RP1: variants seen among roughly 807,000 people sequenced by gnomAD.
RP1 encodes the protein RP1 axonemal microtubule associated.
A neutral mutation model predicts 14.8 loss-of-function variants in RP1; 16 were observed. The observed-to-expected ratio is 1.08, with a 90% CI of 0.73 to 1.65. RP1 has a LOEUF of 1.65. Ranked by LOEUF, RP1 falls within the 40% of genes most tolerant of loss-of-function variation. The pLI is 0.00. For missense variants in RP1, 2,631 were observed against 2,535.0 expected (o/e 1.04, Z -0.81); for synonymous variants, 876 against 883.6 (o/e 0.99, Z 0.15).
intron 1 of RP1, among the ~76,000 whole-genome samples, chr8:54,585,935 G>A (rs1585528833): frequency 6.6e-6 from 1 of 152,144 alleles, no homozygotes; most frequent in Non-Finnish European, 1.5e-5. Flanking sequence ...CTTTGCCATG[G>A]GTTCGAACTT....
At position 54,629,113 on chromosome 8, in the gene RP1, G is replaced by T; in HGVS notation, c.5231G>T (p.Gly1744Val). Residue 1744 changes from glycine to valine, a missense_variant, in exon 4 of 4, where the codon GGC becomes GTC. Transcript: ENST00000220676. Reference protein sequence around the residue: ...DIEEGVLIDKGKWLLKENHLL... With the variant: ...DIEEGVLIDKVKWLLKENHLL... ...GAGGAAGGAGTACTGATTGACAAAG[G>T]CAAATGGCTTCTGAAAGAAAATCAT... 1 of 1,614,078 alleles carries T rather than the reference G, an allele frequency of 6.2e-7. No individual in the cohort carries two copies. Among genetic ancestry groups the T allele is most frequent in the Non-Finnish European group, 8.5e-7 (1 of 1,179,952 alleles).
In RP1 at chr8:54,629,455, ATCAG is replaced by A. The variant is rs1563333233; in HGVS notation, c.5578_5581del (p.Ser1860LysfsTer36). 11 of 1,614,060 alleles carry A rather than the reference ATCAG, an allele frequency of 6.8e-6. No homozygotes were observed. The highest frequency in any genetic ancestry group is 9.3e-6 in the Non-Finnish European group (11 of 1,180,010). On this transcript the variant is annotated frameshift_variant, in exon 4 of 4. Transcript: ENST00000220676. LOFTEE classifies it low-confidence loss of function (END_TRUNC). ...CATCATACAGAGGAGAAGGGTAGTC[ATCAG>A]TCAGAAAGAGTATGCACATCTGTCA...
intron 17 of RP1, among the ~76,000 whole-genome samples, chr8:54,730,435 C>A (rs1808766843): frequency 6.6e-6 from 1 of 152,038 alleles, no homozygotes. Context: ...AAGTGTGAAT[C>A]TCCAAGTAGG....
chr8:54,565,615 A>T (rs1804387044), intron 1 of RP1, among the ~76,000 whole-genome samples: 1 of 152,094 alleles, frequency 6.6e-6, no homozygotes, highest in African/African-American at 2.4e-5. Context: ...GGGCATGATG[A>T]GAGAAAATCC....
chr8:54,698,693 G>C (rs971407763), intron 12 of RP1, among the ~76,000 whole-genome samples: 2 of 152,136 alleles, frequency 1.3e-5, no homozygotes, highest in Admixed American at 6.6e-5. Flanking sequence ...ATACACCATG[G>C]AATACTCTGC....
In RP1 at chr8:54,759,130, CTGTGTGTGTGTGTGTGTG is replaced by C. The variant is rs3077333; in HGVS notation, c.3248+82_3248+99del. ...AGAGTATGCTGCACTGTGGATGATGCTGTGTGTGTGTGTGTGTGTGTGTGTGTGTGTGTGTGTGTGTGT... is the reference window on the plus strand; with the variant it reads ...AGAGTATGCTGCACTGTGGATGATGCTGTGTGTGTGTGTGTGTGTGTGTGT... On this transcript the variant is annotated intron_variant, in intron 22 of 22. Coordinates refer to the RP1 transcript ENST00000636932. 1.4e-3 allele frequency: 1,104 copies of C among 768,418 alleles called. 6 individuals are homozygous for C. The African/African-American group carries it at 0.018, about 13-fold the overall frequency. 47.6% of individuals were successfully genotyped at this position (768,418 alleles called of 1,614,324 possible).
At chr8:54,592,117 T>C (rs1261004020) in intron 1 of RP1, among the ~76,000 whole-genome samples, 2 of 152,232 alleles carry the variant, frequency 1.3e-5, no homozygotes, top group Admixed American at 6.5e-5. Context: ...CAAGGATATA[T>C]ATTTGCAATT....
intron 1 of RP1, among the ~76,000 whole-genome samples, chr8:54,616,788 A>G (rs1023046359): frequency 4.6e-5 from 7 of 152,254 alleles, no homozygotes; most frequent in African/African-American, 1.7e-4. Context: ...AACTTAAAAT[A>G]TAATTAGTGA....
rs1806231334 is a variant in RP1, at chr8:54,630,710, A to G, written c.*357A>G. The G allele has an allele frequency of 9.2e-7, 1 of 1,085,568 alleles. No individual in the cohort carries two copies. Among genetic ancestry groups the G allele is most frequent in the Non-Finnish European group, 1.1e-6 (1 of 892,628 alleles). 67.2% of individuals were successfully genotyped at this position (1,085,568 alleles called of 1,614,324 possible). A position where few individuals can be genotyped will look rare whatever the true frequency, so the allele number is the denominator to read the frequency against. On this transcript the variant is annotated 3_prime_UTR_variant, in exon 4 of 4. Coordinates refer to ENST00000220676, the MANE Select transcript of RP1 (RefSeq NM_006269.2). ...ATGTTGTTAGCTTGGTGTAAAATGT[A>G]TATTGACTGTATTGGTGAATAAATT...
intron 15 of RP1, among the ~76,000 whole-genome samples, chr8:54,713,337 G>A (rs1035816335): frequency 1.3e-5 from 2 of 152,074 alleles, no homozygotes; most frequent in African/African-American, 4.8e-5. Flanking sequence ...ATTTGTAAGG[G>A]TGTTAATTTA....
At chr8:54,600,629 C>T (rs7829870) in intron 1 of RP1, among the ~76,000 whole-genome samples, 9,440 of 152,042 alleles carry the variant, frequency 0.062, 961 homozygotes, top group African/African-American at 0.21. Flanking sequence ...GAGAGGGATG[C>T]CTCATTATTG....
chr8:54,581,241 T>A (rs1804785884), intron 1 of RP1, among the ~76,000 whole-genome samples: 1 of 150,754 alleles, frequency 6.6e-6, no homozygotes, highest in Non-Finnish European at 1.5e-5. Flanking sequence ...CACCTATGAG[T>A]GAGAAGATGT....
chr8:54,701,136 A>G lies in RP1; in HGVS notation c.1822-350A>G, dbSNP rs1025557292. On this transcript the variant is annotated intron_variant, in intron 13 of 22. Coordinates refer to the RP1 transcript ENST00000636932. ...TAGGAATGAGATAAAATTTCTATCGATTTCAGTTTTTAGTCCCAAATACTC... is the reference window on the plus strand; with the variant it reads ...TAGGAATGAGATAAAATTTCTATCGGTTTCAGTTTTTAGTCCCAAATACTC... 2.0e-5 allele frequency among the ~76,000 whole-genome samples: 3 copies of G among 152,188 alleles called. No homozygotes were observed. The East Asian group carries it at 5.8e-4, about 29-fold the overall frequency.
rs905961412 is a variant in RP1, at chr8:54,626,823, T to C, written c.2941T>C (p.Leu981=). The change falls in exon 4 of 4, where the codon TTG becomes CTG. Residue 981 remains leucine (L), a synonymous_variant. Transcript: ENST00000220676. The part of the protein sequence containing the change: ...SNKHITKIAG[L]TGDNLCKEGD... ...TAAGCACATAACTAAAATTGCCGGT[T>C]TGACAGGAGATAATCTATGTAAAGA... is the stretch of plus-strand genomic sequence containing the variant. 6.8e-6 allele frequency: 11 copies of C among 1,613,736 alleles called. No homozygotes were observed. The highest frequency in any genetic ancestry group is 9.3e-6 in the Non-Finnish European group (11 of 1,179,962).
intron 24 of RP1, among the ~76,000 whole-genome samples, chr8:54,834,101 A>G (rs367596176): frequency 8.5e-5 from 13 of 152,084 alleles, no homozygotes; most frequent in East Asian, 1.9e-4. Context: ...CTAAAAATGA[A>G]CAAAGGACTT....
At chr8:54,818,344 C>T (rs1167987439) in intron 24 of RP1, among the ~76,000 whole-genome samples, 2 of 152,206 alleles carry the variant, frequency 1.3e-5, no homozygotes, top group African/African-American at 4.8e-5. Context: ...AAGCCTTATG[C>T]TAATGATGGC....
chr8:54,699,136 G>C (rs915942317), intron 12 of RP1, among the ~76,000 whole-genome samples: 3 of 150,540 alleles, frequency 2.0e-5, no homozygotes, highest in South Asian at 2.1e-4. Context: ...TGATATATTA[G>C]TATATTGTAT....
At chr8:54,686,350 C>G (rs988927673) in intron 12 of RP1, among the ~76,000 whole-genome samples, 3 of 151,388 alleles carry the variant, frequency 2.0e-5, no homozygotes, top group Non-Finnish European at 2.9e-5. Context: ...GACTATCTCC[C>G]TGAGACATTT....
In RP1 at chr8:54,679,545, G is replaced by A. The variant is rs528737768; in HGVS notation, c.1555+49G>A. The A allele has an allele frequency of 5.9e-6, 9 of 1,535,638 alleles. No homozygotes were observed. In the East Asian group the frequency reaches 2.0e-4, roughly 33 times the overall value. On this transcript the variant is annotated intron_variant, in intron 10 of 22. Transcript: ENST00000636932. The stretch of plus-strand genomic sequence containing the variant: ...CCTGGAAAACTCTTTTATGATGACT[G>A]GAGAAAGCATGACACTTCTGAAATT...
Sources: allele counts gnomAD v4.1 joint callset (sites outside exome capture counted in the v4.1 genomes callset), GRCh38; gene constraint gnomAD v4.1.1; transcripts MANE v1.5; gene names NCBI Gene and HGNC (gene_info 2026-07-23, HGNC 2026-07-21).